Variants in SLC4A4 observed in about 807,000 individuals in gnomAD.
SLC4A4 encodes electrogenic sodium bicarbonate cotransporter 1.
A neutral mutation model predicts 111.5 loss-of-function variants in SLC4A4; 27 were observed. The observed-to-expected ratio is 0.24, with a 90% CI of 0.18 to 0.33. The LOEUF is 0.33. Ranked by LOEUF, SLC4A4 falls within the 10% of genes least tolerant of loss-of-function variation. SLC4A4 has a pLI of 1.00. For missense variants in SLC4A4, 909 were observed against 1,315.5 expected, an observed-to-expected ratio of 0.69 and a Z score of 4.78; for synonymous variants, 443 against 463.4, an observed-to-expected ratio of 0.96 and a Z score of 0.57.
chr4:71,549,280 C>A (rs1444845792), intron 20 of SLC4A4, among the ~76,000 whole-genome samples: 1 of 151,874 alleles, frequency 6.6e-6, no homozygotes, highest in Non-Finnish European at 1.5e-5. Flanking sequence ...TAGGCACCAG[C>A]ACATCAGCTG....
chr4:71,206,143 A>T lies in SLC4A4; in HGVS notation c.-2+18742A>T, dbSNP rs1218821164. 5.3e-5 allele frequency among the ~76,000 whole-genome samples: 8 copies of T among 152,334 alleles called. 1 individual carries two copies. The highest frequency in any genetic ancestry group is 4.6e-4 in the Admixed American group (7 of 15,298). ...TTGTATACTAATTTAATCTTTGTTA[A>T]TAAGACCACATTTTCTGTGAAATTT... On this transcript the variant is annotated intron_variant, in intron 1 of 25. Coordinates refer to ENST00000264485, the MANE Select transcript of SLC4A4 (RefSeq NM_001098484.3).
intron 16 of SLC4A4, among the ~76,000 whole-genome samples, chr4:71,521,060 G>A (rs1277657681): frequency 1.3e-5 from 2 of 151,948 alleles, no homozygotes; most frequent in African/African-American, 4.8e-5. Flanking sequence ...GTATGAGTCA[G>A]GATTCCATCA....
chr4:71,213,191 A>G (rs1276634676), intron 1 of SLC4A4, among the ~76,000 whole-genome samples: 1 of 152,234 alleles, frequency 6.6e-6, no homozygotes, highest in African/African-American at 2.4e-5. Context: ...GCATGACTGC[A>G]TAAGACCTGA....
intron 6 of SLC4A4, among the ~76,000 whole-genome samples, chr4:71,370,967 T>C (rs1299486825): frequency 6.6e-6 from 1 of 152,228 alleles, no homozygotes; most frequent in Non-Finnish European, 1.5e-5. Flanking sequence ...CTTTATGTGA[T>C]GTAATCTCTC....
intron 2 of SLC4A4, among the ~76,000 whole-genome samples, chr4:71,135,050 A>C (rs899252489): frequency 6.6e-6 from 1 of 152,200 alleles, no homozygotes; most frequent in Admixed American, 6.5e-5. Context: ...TAAGCCTTTA[A>C]GTAACTGCAG....
intron 19 of SLC4A4, among the ~76,000 whole-genome samples, chr4:71,547,316 C>A (rs1735624095): frequency 6.6e-6 from 1 of 151,852 alleles, no homozygotes; most frequent in African/African-American, 2.4e-5. Context: ...GGATAAATTG[C>A]TTTAAAAAAT....
chr4:71,127,403 A>C (rs1255520112), intron 2 of SLC4A4, among the ~76,000 whole-genome samples: 7 of 152,214 alleles, frequency 4.6e-5, no homozygotes, highest in Non-Finnish European at 8.8e-5. Flanking sequence ...TGCTGAACTT[A>C]AATTCTTTTG....
At position 71,466,437 on chromosome 4, in the gene SLC4A4, A is replaced by C; in HGVS notation, c.1498-7A>C. The C allele has an allele frequency of 6.2e-7, 1 of 1,613,426 alleles. No individual in the cohort carries two copies. Among genetic ancestry groups the C allele is most frequent in the South Asian group, 1.1e-5 (1 of 91,052 alleles). On this transcript the variant is annotated splice_region_variant and splice_polypyrimidine_tract_variant and intron_variant, in intron 12 of 25. Transcript: ENST00000264485. Reference sequence around the variant, plus strand: ...TTCATTTAACATCTATATTTTCTTTATTTTAGGGCGTGTTGGAGAGTTTCC... The same window carrying C: ...TTCATTTAACATCTATATTTTCTTTCTTTTAGGGCGTGTTGGAGAGTTTCC...
chr4:71,288,750 A>G (rs1724110805), intron 3 of SLC4A4, among the ~76,000 whole-genome samples: 1 of 152,142 alleles, frequency 6.6e-6, no homozygotes, highest in Admixed American at 6.5e-5. Context: ...CCATCAGGCC[A>G]GTATCCTCAT....
intron 6 of SLC4A4, among the ~76,000 whole-genome samples, chr4:71,383,268 A>G (rs763087829): frequency 1.4e-4 from 22 of 152,214 alleles, no homozygotes; most frequent in Non-Finnish European, 3.1e-4. Context: ...CGTGATGTAT[A>G]TACATAAGTA....
intron 3 of SLC4A4, among the ~76,000 whole-genome samples, chr4:71,278,800 T>C (rs1415548224): frequency 2.0e-5 from 3 of 152,208 alleles, no homozygotes; most frequent in African/African-American, 7.2e-5. Context: ...ATTGTCATTA[T>C]TATTATTGTT....
chr4:71,486,118 A>T (rs1166335497), intron 14 of SLC4A4, among the ~76,000 whole-genome samples: 1 of 151,516 alleles, frequency 6.6e-6, no homozygotes, highest in Non-Finnish European at 1.5e-5. Flanking sequence ...AAATAATTAA[A>T]AACCCTGATG....
At chr4:71,505,665 C>A (rs1482570844) in intron 16 of SLC4A4, among the ~76,000 whole-genome samples, 1 of 151,988 alleles carries the variant, frequency 6.6e-6, no homozygotes, top group African/African-American at 2.4e-5. Flanking sequence ...ATGATCGTTT[C>A]TTTTGCTGGG....
intron 16 of SLC4A4, among the ~76,000 whole-genome samples, chr4:71,515,494 T>C (rs1163332804): frequency 1.3e-5 from 2 of 152,218 alleles, no homozygotes; most frequent in Admixed American, 1.3e-4. Flanking sequence ...GTTCATTTGG[T>C]CTAAAGTTCA....
chr4:71,553,939 T>C (rs1736254491), intron 20 of SLC4A4, among the ~76,000 whole-genome samples: 1 of 151,888 alleles, frequency 6.6e-6, no homozygotes, highest in Non-Finnish European at 1.5e-5. Context: ...TTGTTAGTCT[T>C]TTTTTGAAGA....
intron 15 of SLC4A4, among the ~76,000 whole-genome samples, chr4:71,488,675 T>G (rs1729628925): frequency 1.3e-5 from 2 of 151,752 alleles, no homozygotes; most frequent in African/African-American, 4.8e-5. Context: ...GAACAAAGAT[T>G]TGAAGTGAAG....
At chr4:71,178,560 G>T (rs545955627) in intron 2 of SLC4A4, among the ~76,000 whole-genome samples, 11 of 152,162 alleles carry the variant, frequency 7.2e-5, no homozygotes, top group African/African-American at 2.7e-4. Context: ...ACTACCATCA[G>T]AGAATACTAT....
chr4:71,267,372 T>G (rs1722346697), intron 3 of SLC4A4, among the ~76,000 whole-genome samples: 1 of 151,784 alleles, frequency 6.6e-6, no homozygotes, highest in South Asian at 2.1e-4. Context: ...AGGCTGTAAG[T>G]GAAAAAAATA....
intron 23 of SLC4A4, among the ~76,000 whole-genome samples, chr4:71,562,666 C>G (rs1211641983): frequency 6.6e-6 from 1 of 151,620 alleles, no homozygotes; most frequent in Non-Finnish European, 1.5e-5. Flanking sequence ...AGATGGGTCT[C>G]CTGAATACAG....
Sources: allele counts gnomAD v4.1 joint callset (sites outside exome capture counted in the v4.1 genomes callset), GRCh38; gene constraint gnomAD v4.1.1; transcripts MANE v1.5; gene names NCBI Gene and HGNC (gene_info 2026-07-23, HGNC 2026-07-21).